SYNJ2: variants seen among roughly 807,000 people sequenced by gnomAD.
SYNJ2 encodes synaptojanin 2, also known as polyphosphatidylinositol phosphatase SYNJ2.
A neutral mutation model predicts 141.3 loss-of-function variants in SYNJ2; 116 were observed. That is an observed-to-expected ratio of 0.82 (90% CI 0.71 to 0.96). The LOEUF is 0.96. Ranked by LOEUF, SYNJ2 falls within the 40% of genes least tolerant of loss-of-function variation. The probability of loss-of-function intolerance (pLI) is 0.00; values close to 1 mark genes in which losing one functional copy is unlikely to be tolerated. For missense variants in SYNJ2, 1,873 were observed against 1,934.8 expected (o/e 0.97, Z 0.60); for synonymous variants, 745 against 777.7 (o/e 0.96, Z 0.70).
chr6:158,047,773 TCAAAAAAAAA>T (rs1562355713), intron 5 of SYNJ2, among the ~76,000 whole-genome samples: 2 of 17,240 alleles, frequency 1.2e-4, no homozygotes, highest in African/African-American at 3.9e-4. Context: ...TGCGACTCTG[TCAAAAAAAAA>T]AAAAAAAAAA....
chr6:158,035,280 C>A (rs551619561), intron 4 of SYNJ2, among the ~76,000 whole-genome samples: 1 of 152,268 alleles, frequency 6.6e-6, no homozygotes, highest in South Asian at 2.1e-4. Context: ...GCATTATGTC[C>A]ATTTTAATGA....
At chr6:158,016,616 G>T (rs1427477967) in intron 1 of SYNJ2, among the ~76,000 whole-genome samples, 1 of 152,088 alleles carries the variant, frequency 6.6e-6, no homozygotes, top group African/African-American at 2.4e-5. Context: ...AACCATTAGG[G>T]CTCCCTGCGC....
At chr6:157,988,742 T>C (rs745565101) in intron 1 of SYNJ2, among the ~76,000 whole-genome samples, 1 of 152,146 alleles carries the variant, frequency 6.6e-6, no homozygotes, top group South Asian at 2.1e-4. Flanking sequence ...TTGATCGGAG[T>C]CCCTTTAGCA....
chr6:158,053,513 C>G (rs1204885551), intron 5 of SYNJ2, among the ~76,000 whole-genome samples: 2 of 152,092 alleles, frequency 1.3e-5, no homozygotes, highest in Non-Finnish European at 2.9e-5. Flanking sequence ...CCCACCTACA[C>G]ACCCACCCAC....
chr6:158,015,805 A>G (rs1778431946), intron 1 of SYNJ2, among the ~76,000 whole-genome samples: 1 of 152,242 alleles, frequency 6.6e-6, no homozygotes, highest in Non-Finnish European at 1.5e-5. Flanking sequence ...CTAGATTTCA[A>G]TAAGATTGGT....
chr6:158,003,089 G>A (rs1018294591), intron 1 of SYNJ2, among the ~76,000 whole-genome samples: 20 of 152,282 alleles, frequency 1.3e-4, no homozygotes, highest in Admixed American at 1.0e-3. Flanking sequence ...CTCTGACTGC[G>A]GGAAACCAAA....
chr6:158,067,941 A>ACTC (rs1245950906), intron 12 of SYNJ2: 1 of 983,502 alleles, frequency 1.0e-6, no homozygotes, highest in Non-Finnish European at 1.2e-6. Context: ...CACGAAAGTG[A>ACTC]CTCCTCTTCT....
intron 5 of SYNJ2, among the ~76,000 whole-genome samples, chr6:158,048,920 G>C (rs1780404234): frequency 6.6e-6 from 1 of 152,334 alleles, no homozygotes. Context: ...AAGAGGTAGA[G>C]ACACAATTAG....
chr6:158,058,845 A>T (rs959040972), intron 6 of SYNJ2, among the ~76,000 whole-genome samples: 4 of 152,146 alleles, frequency 2.6e-5, no homozygotes, highest in Non-Finnish European at 4.4e-5. Context: ...AGTTGGGAGG[A>T]TTGCTTGAGC....
intron 1 of SYNJ2, among the ~76,000 whole-genome samples, chr6:158,011,059 T>C (rs1778249419): frequency 7.2e-6 from 1 of 138,180 alleles, no homozygotes; most frequent in African/African-American, 2.8e-5. Context: ...GGCCACATAA[T>C]GGTGGGGGGA....
At chr6:158,056,693 T>C (rs893124349) in intron 6 of SYNJ2, among the ~76,000 whole-genome samples, 2 of 152,240 alleles carry the variant, frequency 1.3e-5, no homozygotes, top group African/African-American at 4.8e-5. Flanking sequence ...TCCTGGGTGC[T>C]TCCCAATTCT....
rs2128405039 is a variant in SYNJ2, at chr6:158,096,494, A to G, written c.*130A>G. On this transcript the variant is annotated 3_prime_UTR_variant, in exon 27 of 27. Transcript: ENST00000355585. ...GTTTGTGCATCTGTCACTCTCGTGT[A>G]GTTTACAAAAATCGTGTCTCTTATT... is the stretch of plus-strand genomic sequence containing the variant. 1 of 1,111,664 alleles carries G rather than the reference A, an allele frequency of 9.0e-7. No homozygotes were observed. Among genetic ancestry groups the G allele is most frequent in the South Asian group, 1.7e-5 (1 of 57,358 alleles). 68.9% of individuals were successfully genotyped at this position (1,111,664 alleles called of 1,614,324 possible).
intron 16 of SYNJ2, among the ~76,000 whole-genome samples, chr6:158,075,200 G>A (rs1191670985): frequency 1.3e-5 from 2 of 151,936 alleles, no homozygotes; most frequent in African/African-American, 4.8e-5. Context: ...CCAAAGTGCT[G>A]GGATTACAGG....
At chr6:158,000,197 A>G (rs1326948135) in intron 1 of SYNJ2, among the ~76,000 whole-genome samples, 1 of 147,234 alleles carries the variant, frequency 6.8e-6, no homozygotes, top group East Asian at 2.0e-4. Flanking sequence ...GCGTCACTTG[A>G]GAAGGTTTCT....
chr6:158,085,250 G>A (rs1361058521), intron 22 of SYNJ2, among the ~76,000 whole-genome samples: 1 of 152,080 alleles, frequency 6.6e-6, no homozygotes, highest in Non-Finnish European at 1.5e-5. Flanking sequence ...CAAACTCCTG[G>A]GCTCAAGTGA....
chr6:158,076,085 GGCTGAGGCA>G (rs1782265867), intron 16 of SYNJ2, among the ~76,000 whole-genome samples: 1 of 152,190 alleles, frequency 6.6e-6, no homozygotes, highest in South Asian at 2.1e-4. Flanking sequence ...CTACTTGGGA[GGCTGAGGCA>G]GGAGGATCAC....
intron 16 of SYNJ2, 118 bp downstream of exon 16, chr6:158,074,856 A>G: frequency 8.2e-7 from 1 of 1,220,628 alleles, no homozygotes. Context: ...TGTTTCCAAC[A>G]TTGTAGAAAA....
intron 12 of SYNJ2, chr6:158,067,755 C>T (rs2128370287): frequency 4.1e-6 from 4 of 985,104 alleles, no homozygotes; most frequent in Non-Finnish European, 4.8e-6. Flanking sequence ...TTTCTGCCTC[C>T]AAGGGCAGGT....
At chr6:158,057,043 G>A (rs1470269220) in intron 6 of SYNJ2, among the ~76,000 whole-genome samples, 1 of 152,044 alleles carries the variant, frequency 6.6e-6, no homozygotes, top group Non-Finnish European at 1.5e-5. Context: ...TCACAGGACA[G>A]TGAACCCCTT....
Sources: gnomAD v4.1 joint callset for allele counts (sites outside exome capture counted in the v4.1 genomes callset) on GRCh38, gnomAD v4.1.1 for gene constraint, MANE v1.5 for transcripts, NCBI Gene and HGNC (gene_info 2026-07-23, HGNC 2026-07-21) for gene names.